PRKN: variants seen among roughly 807,000 people sequenced by gnomAD.
PRKN encodes parkin RBR E3 ubiquitin protein ligase.
In PRKN, 56 loss-of-function variants were observed where a neutral mutation model predicts 59.5. The observed-to-expected ratio is 0.94, with a 90% confidence interval of 0.76 to 1.18. The LOEUF (loss-of-function observed/expected upper bound fraction) is 1.18. Among genes scored for constraint, PRKN ranks in the 50% most tolerant of loss-of-function variants. PRKN has a pLI of 0.00. For synonymous variants in PRKN, 250 were observed against 222.1 expected (o/e 1.13, Z -1.12); for missense variants, 657 against 596.4 (o/e 1.10, Z -1.06).
chr6:161,952,936 G>C (rs1780042378), intron 6 of PRKN, among the ~76,000 whole-genome samples: 1 of 152,154 alleles, frequency 6.6e-6, no homozygotes, highest in Non-Finnish European at 1.5e-5. Context: ...GACGACGTGA[G>C]TCAATCAAGT....
chr6:162,081,375 A>G (rs375942220), intron 4 of PRKN, among the ~76,000 whole-genome samples: 2 of 152,152 alleles, frequency 1.3e-5, no homozygotes, highest in East Asian at 1.9e-4. Context: ...AAAATTACTC[A>G]TTGATCCATG....
intron 1 of PRKN, among the ~76,000 whole-genome samples, chr6:162,484,583 A>T (rs1360738726): frequency 1.3e-5 from 2 of 152,192 alleles, no homozygotes; most frequent in East Asian, 3.8e-4. Flanking sequence ...TCTGTTTGGG[A>T]CACATTAACG....
intron 1 of PRKN, among the ~76,000 whole-genome samples, chr6:162,662,292 G>GT (rs1778916973): frequency 6.7e-6 from 1 of 149,424 alleles, no homozygotes; most frequent in African/African-American, 2.5e-5. Context: ...TTGTTGAGTT[G>GT]TTTGAGTTCC....
chr6:161,766,506 C>G, intron 7 of PRKN, among the ~76,000 whole-genome samples: 1 of 152,118 alleles, frequency 6.6e-6, no homozygotes, highest in South Asian at 2.1e-4. Flanking sequence ...GACGGGGTTT[C>G]ACCATGTTGG....
chr6:161,931,367 G>A (rs1779165573), intron 6 of PRKN, among the ~76,000 whole-genome samples: 1 of 152,130 alleles, frequency 6.6e-6, no homozygotes. Flanking sequence ...GAACCTGGGA[G>A]GTAGAGGTTG....
intron 4 of PRKN, among the ~76,000 whole-genome samples, chr6:162,114,547 A>G (rs1780583817): frequency 6.6e-6 from 1 of 151,978 alleles, no homozygotes; most frequent in South Asian, 2.1e-4. Flanking sequence ...AATGCTTGTG[A>G]TTTTTGTACA....
At chr6:161,511,859 A>G (rs1209148239) in intron 9 of PRKN, among the ~76,000 whole-genome samples, 2 of 152,128 alleles carry the variant, frequency 1.3e-5, no homozygotes, top group African/African-American at 4.8e-5. Flanking sequence ...TGCAGAAAAC[A>G]TTAGTCTGGG....
At chr6:162,517,673 A>C (rs1388240006) in intron 1 of PRKN, among the ~76,000 whole-genome samples, 4 of 152,166 alleles carry the variant, frequency 2.6e-5, no homozygotes, top group Admixed American at 1.3e-4. Flanking sequence ...TCTTAGTTCA[A>C]GAGCCTGGCA....
chr6:162,217,879 C>T (rs1455612621), intron 3 of PRKN, among the ~76,000 whole-genome samples: 2 of 152,116 alleles, frequency 1.3e-5, no homozygotes, highest in Non-Finnish European at 2.9e-5. Flanking sequence ...TTTATCCCTG[C>T]TAACAGCATC....
intron 5 of PRKN, among the ~76,000 whole-genome samples, chr6:162,036,415 T>C (rs1783851185): frequency 6.6e-6 from 1 of 151,960 alleles, no homozygotes; most frequent in Admixed American, 6.5e-5. Flanking sequence ...GTTTCACTCT[T>C]GTTGCCCAGG....
chr6:161,742,984 G>C (rs1788251031), intron 7 of PRKN, among the ~76,000 whole-genome samples: 1 of 152,134 alleles, frequency 6.6e-6, no homozygotes, highest in Non-Finnish European at 1.5e-5. Flanking sequence ...TTTAGTTTAA[G>C]ATTCTCTAAG....
chr6:162,520,791 C>T (rs2022998), intron 1 of PRKN, among the ~76,000 whole-genome samples: 115,507 of 151,760 alleles, frequency 0.76, 46,011 homozygotes, highest in South Asian at 0.92. Flanking sequence ...TGTCTAAGGC[C>T]CTTAGTTTAA....
At chr6:162,042,191 T>C (rs771482611) in intron 5 of PRKN, among the ~76,000 whole-genome samples, 22 of 152,000 alleles carry the variant, frequency 1.4e-4, no homozygotes, top group Non-Finnish European at 7.4e-5. Context: ...TCACAAGATG[T>C]TCACAAGAAT....
chr6:162,001,039 C>A (rs74475425), intron 5 of PRKN, among the ~76,000 whole-genome samples: 2,073 of 152,034 alleles, frequency 0.014, 29 homozygotes, highest in Middle Eastern at 0.034. Flanking sequence ...GTTTTGATTA[C>A]TGTAGTTTTG....
chr6:162,147,166 C>A (rs1341958861), intron 4 of PRKN, among the ~76,000 whole-genome samples: 1 of 150,564 alleles, frequency 6.6e-6, no homozygotes, highest in African/African-American at 2.4e-5. Context: ...TATGGTGAAA[C>A]CTCATCTCTA....
chr6:161,883,053 C>A (rs1795001622), intron 6 of PRKN, among the ~76,000 whole-genome samples: 1 of 151,254 alleles, frequency 6.6e-6, no homozygotes, highest in Non-Finnish European at 1.5e-5. Flanking sequence ...CAAAAAAACT[C>A]CAGGTAGGTA....
intron 8 of PRKN, among the ~76,000 whole-genome samples, chr6:161,568,827 TTA>T (rs1361550813): frequency 1.3e-5 from 2 of 152,204 alleles, no homozygotes; most frequent in African/African-American, 2.4e-5. Context: ...TCTATTTAAA[TTA>T]TGACACGCCT....
chr6:162,118,330 C>T (rs994415485), intron 4 of PRKN, among the ~76,000 whole-genome samples: 5 of 150,922 alleles, frequency 3.3e-5, no homozygotes, highest in African/African-American at 7.3e-5. Context: ...GTTGTGAAGC[C>T]GGGAGGTGGA....
chr6:161,924,220 C>T (rs1778884715), intron 6 of PRKN, among the ~76,000 whole-genome samples: 1 of 152,048 alleles, frequency 6.6e-6, no homozygotes. Context: ...ACTTACTGCC[C>T]CTATCACACT....
Sources: gnomAD v4.1 joint callset for allele counts (sites outside exome capture counted in the v4.1 genomes callset) on GRCh38, gnomAD v4.1.1 for gene constraint, MANE v1.5 for transcripts, NCBI Gene and HGNC (gene_info 2026-07-23, HGNC 2026-07-21) for gene names.